Variants in TCERG1L observed in about 807,000 individuals in gnomAD.
TCERG1L encodes the protein transcription elongation regulator 1-like protein.
Under a neutral mutation model 56.3 loss-of-function variants are expected in TCERG1L, and 37 were observed. The observed-to-expected ratio is 0.66, with a 90% CI of 0.51 to 0.87. The LOEUF (loss-of-function observed/expected upper bound fraction) is 0.87. TCERG1L is among the 40% of genes least tolerant of loss of function. The pLI, the probability that TCERG1L is intolerant of heterozygous loss-of-function variation, is 0.00. For missense variants in TCERG1L, 799 were observed against 774.2 expected (o/e 1.03, Z -0.38); for synonymous variants, 324 against 326.3 (o/e 0.99, Z 0.08).
At chr10:131,108,586 A>C (rs1309977159) in intron 9 of TCERG1L, among the ~76,000 whole-genome samples, 1 of 152,158 alleles carries the variant, frequency 6.6e-6, no homozygotes, top group Non-Finnish European at 1.5e-5. Context: ...GTGCCCAGTG[A>C]ATCTCCTTCA....
At position 131,175,883 on chromosome 10, in the gene TCERG1L, C is replaced by T. The variant is rs115826327; in HGVS notation, c.857-8998G>A. 2.7e-3 allele frequency among the ~76,000 whole-genome samples: 405 copies of T among 152,160 alleles called. 1 individual carries two copies. Among genetic ancestry groups the T allele is most frequent in the Middle Eastern group, 0.014 (4 of 294 alleles). On this transcript the variant is annotated intron_variant, in intron 4 of 11. Transcript: ENST00000368642. ...TTGAGATAGAGGTGCAGACAGGAAG[C>T]GGGGAGGAAGGCAGTAGAGATTCAT...
At chr10:131,252,788 A>C (rs1846125935) in intron 4 of TCERG1L, among the ~76,000 whole-genome samples, 1 of 152,226 alleles carries the variant, frequency 6.6e-6, no homozygotes, top group African/African-American at 2.4e-5. Context: ...TGCTGCAGTG[A>C]GTACACTATG....
chr10:131,197,044 C>T (rs78632776), intron 4 of TCERG1L, among the ~76,000 whole-genome samples: 6,645 of 152,256 alleles, frequency 0.044, 164 homozygotes, highest in Middle Eastern at 0.065. Context: ...CCATGCCCCC[C>T]TCACCCTGCC....
chr10:131,308,277 G>T lies in TCERG1L; in HGVS notation c.604C>A (p.Leu202Met), dbSNP rs1277185761. Reference protein sequence around the residue: ...RLLANQVAVSLSRPAPASRPL... With the variant: ...RLLANQVAVSMSRPAPASRPL... ...CTGGAGGCAGGAGCCGGCCTGGACA[G>T]AGACACAGCTACTTGATTTGCCAGC... The change falls in exon 3 of 12, where the codon CTG becomes ATG. Residue 202 changes from leucine to methionine, a missense_variant. Coordinates refer to ENST00000368642, the MANE Select transcript of TCERG1L (RefSeq NM_174937.4). The T allele has an allele frequency of 2.0e-5, 33 of 1,613,906 alleles. No homozygotes were observed. Among genetic ancestry groups the T allele is most frequent in the Non-Finnish European group, 2.8e-5 (33 of 1,179,908 alleles).
intron 4 of TCERG1L, among the ~76,000 whole-genome samples, chr10:131,181,966 C>A (rs1456636562): frequency 6.6e-6 from 1 of 152,176 alleles, no homozygotes; most frequent in Non-Finnish European, 1.5e-5. Context: ...AAATCAAAAC[C>A]AATCTCAACA....
At chr10:131,227,485 C>T (rs10765057) in intron 4 of TCERG1L, among the ~76,000 whole-genome samples, 45,237 of 152,140 alleles carry the variant, frequency 0.3, 7,069 homozygotes, top group Middle Eastern at 0.36. Context: ...ACCGCCTCCC[C>T]GCTTCCCCGC....
chr10:131,191,885 A>G (rs1391081546), intron 4 of TCERG1L, among the ~76,000 whole-genome samples: 24 of 137,618 alleles, frequency 1.7e-4, no homozygotes, highest in African/African-American at 6.3e-4. Context: ...AAAAAAAAAA[A>G]AAAAGAAAAA....
chr10:131,151,629 G>A (rs1291470819), intron 6 of TCERG1L, among the ~76,000 whole-genome samples: 1 of 152,116 alleles, frequency 6.6e-6, no homozygotes, highest in Non-Finnish European at 1.5e-5. Flanking sequence ...CAAGCTGTAG[G>A]TGAATCTACC....
At chr10:131,169,813 A>G (rs920689072) in intron 4 of TCERG1L, among the ~76,000 whole-genome samples, 2 of 152,208 alleles carry the variant, frequency 1.3e-5, no homozygotes, top group African/African-American at 2.4e-5. Context: ...TGTTAGGAAC[A>G]CTGGCAGCCT....
chr10:131,140,100 G>T (rs4751328), intron 7 of TCERG1L, among the ~76,000 whole-genome samples: 2 of 152,180 alleles, frequency 1.3e-5, no homozygotes, highest in African/African-American at 4.8e-5. Context: ...AGGCAAATTC[G>T]CATTCAGATG....
chr10:131,155,708 G>A (rs1324085410), intron 6 of TCERG1L, among the ~76,000 whole-genome samples: 1 of 152,198 alleles, frequency 6.6e-6, no homozygotes, highest in Non-Finnish European at 1.5e-5. Context: ...TCCGGGAGCT[G>A]GTGGCTGCCT....
chr10:131,187,069 G>A (rs1226609132), intron 4 of TCERG1L, among the ~76,000 whole-genome samples: 4 of 152,128 alleles, frequency 2.6e-5, no homozygotes, highest in Non-Finnish European at 5.9e-5. Context: ...CAATGCACTC[G>A]CTCTGCCCCT....
chr10:131,307,677 G>A (rs181047506), intron 3 of TCERG1L, among the ~76,000 whole-genome samples: 21 of 152,106 alleles, frequency 1.4e-4, no homozygotes, highest in African/African-American at 5.1e-4. Flanking sequence ...ATGGGAGTCT[G>A]TTCCAGGACA....
intron 7 of TCERG1L, among the ~76,000 whole-genome samples, chr10:131,143,160 G>C (rs764636920): frequency 2.6e-5 from 4 of 152,188 alleles, no homozygotes; most frequent in Non-Finnish European, 5.9e-5. Flanking sequence ...GTGATAATTT[G>C]TTACAGCAGC....
intron 4 of TCERG1L, among the ~76,000 whole-genome samples, chr10:131,170,540 A>C (rs535816443): frequency 6.6e-6 from 1 of 152,160 alleles, no homozygotes; most frequent in East Asian, 1.9e-4. Flanking sequence ...AGTGCCCTTC[A>C]ATGTAATTTT....
chr10:131,105,715 G>C (rs888905072), intron 9 of TCERG1L, among the ~76,000 whole-genome samples: 34 of 151,718 alleles, frequency 2.2e-4, no homozygotes, highest in African/African-American at 7.3e-4. Flanking sequence ...TGTTCCGGAG[G>C]GGGGTGGGAA....
chr10:131,172,361 C>T (rs1480320374), intron 4 of TCERG1L, among the ~76,000 whole-genome samples: 1 of 152,200 alleles, frequency 6.6e-6, no homozygotes, highest in East Asian at 1.9e-4. Flanking sequence ...GAGAGAATTT[C>T]ACCTTTCTAT....
rs187352043 is a variant in TCERG1L, at chr10:131,150,900, G to A, written c.1035-4240C>T. ...AGGAAACTTACAATCATGGCAGAAG[G>A]CACCTCTTCACAGGGCAGCAGGAGA... is the stretch of plus-strand genomic sequence containing the variant. On this transcript the variant is annotated intron_variant, in intron 6 of 11. Coordinates refer to ENST00000368642, the MANE Select transcript of TCERG1L (RefSeq NM_174937.4). 5.2e-4 allele frequency among the ~76,000 whole-genome samples: 79 copies of A among 152,306 alleles called. 3 individuals are homozygous for A. Among genetic ancestry groups the A allele is most frequent in the East Asian group, 4.6e-3 (24 of 5,186 alleles).
At chr10:131,302,949 A>C (rs577937278) in intron 3 of TCERG1L, among the ~76,000 whole-genome samples, 9 of 152,064 alleles carry the variant, frequency 5.9e-5, no homozygotes, top group Admixed American at 3.9e-4. Context: ...CCTGCAAAGG[A>C]CATGAACTCA....
Sources: gnomAD v4.1 joint callset for allele counts (sites outside exome capture counted in the v4.1 genomes callset) on GRCh38, gnomAD v4.1.1 for gene constraint, MANE v1.5 for transcripts, NCBI Gene and HGNC (gene_info 2026-07-23, HGNC 2026-07-21) for gene names.